PTK2: variants seen among roughly 807,000 people sequenced by gnomAD.
PTK2 encodes the protein focal adhesion kinase 1.
In PTK2, 45 loss-of-function variants were observed where a neutral mutation model predicts 150.1. The observed-to-expected ratio is 0.30, with a 90% CI of 0.24 to 0.38. The LOEUF (loss-of-function observed/expected upper bound fraction) is 0.38. Among genes scored for constraint, PTK2 ranks in the 10% least tolerant of loss-of-function variants. PTK2 has a pLI of 1.00. For synonymous variants in PTK2, 432 were observed against 449.2 expected, an observed-to-expected ratio of 0.96 and a Z score of 0.48; for missense variants, 919 against 1,307.3, an observed-to-expected ratio of 0.70 and a Z score of 4.58.
intron 22 of PTK2, among the ~76,000 whole-genome samples, chr8:140,730,321 C>A (rs1180587002): frequency 6.6e-6 from 1 of 152,184 alleles, no homozygotes; most frequent in Non-Finnish European, 1.5e-5. Flanking sequence ...AGGATATTCA[C>A]AAATGGAACA....
Position 140,918,986 on chromosome 8 carries a change from GGTACAAGA to G in PTK2, c.-33+6667_-33+6674del, listed in dbSNP as rs991325919. On this transcript the variant is annotated intron_variant, in intron 2 of 31. Coordinates refer to ENST00000522684, the Ensembl canonical transcript of PTK2. ...ACAAGGTTTCCTGCCTCCCTGTCCT[GGTACAAGA>G]GTAACATGAGGGGAGAGAGAGGAAG... Among the ~76,000 whole-genome samples the G allele has an allele frequency of 1.6e-4, 25 of 152,224 alleles. 1 individual carries two copies. Among genetic ancestry groups the G allele is most frequent in the Admixed American group, 1.5e-3 (23 of 15,292 alleles).
chr8:140,701,126 T>C, intron 25 of PTK2, 104 bp from the exon 29 acceptor site: 3 of 1,302,464 alleles, frequency 2.3e-6, no homozygotes. Context: ...AAACAGCAAG[T>C]ATGAGAAACA....
chr8:140,949,867 T>C (rs1032669127), intron 1 of PTK2, among the ~76,000 whole-genome samples: 2 of 151,992 alleles, frequency 1.3e-5, no homozygotes, highest in Admixed American at 6.5e-5. Context: ...CAGTTACGGG[T>C]GGAGTCTACA....
At chr8:140,962,408 T>C (rs946246411) in intron 1 of PTK2, among the ~76,000 whole-genome samples, 1 of 152,138 alleles carries the variant, frequency 6.6e-6, no homozygotes, top group Non-Finnish European at 1.5e-5. Flanking sequence ...GAAAACTGTG[T>C]ACAAGCATCC....
chr8:140,675,668 G>C, intron 27 of PTK2, 169 bp from the exon 31 acceptor site: 1 of 581,146 alleles, frequency 1.7e-6, no homozygotes, highest in Non-Finnish European at 3.1e-6. Flanking sequence ...GGGGGATCAG[G>C]CAAATAAGCA....
intron 1 of PTK2, among the ~76,000 whole-genome samples, chr8:140,931,161 A>AC (rs936571471): frequency 4.0e-5 from 6 of 151,010 alleles, no homozygotes; most frequent in East Asian, 1.9e-4. Context: ...CATAAACATC[A>AC]CCCCCCCTTC....
intron 5 of PTK2, among the ~76,000 whole-genome samples, chr8:140,848,621 A>T (rs917663784): frequency 1.8e-4 from 27 of 152,152 alleles, no homozygotes; most frequent in Non-Finnish European, 3.8e-4. Flanking sequence ...TCAGTTAAGT[A>T]AAAAGCTTTA....
chr8:140,928,821 A>C (rs1329899929), intron 1 of PTK2, among the ~76,000 whole-genome samples: 1 of 152,172 alleles, frequency 6.6e-6, no homozygotes, highest in Non-Finnish European at 1.5e-5. Flanking sequence ...ATAGAGCTTC[A>C]TAGTTTCAAG....
chr8:140,662,310 T>A (rs1274134188), intron 31 of PTK2, among the ~76,000 whole-genome samples: 2 of 151,150 alleles, frequency 1.3e-5, no homozygotes, highest in Admixed American at 6.6e-5. Context: ...AAAAAAAAAA[T>A]TAATAATTAA....
intron 29 of PTK2, chr8:140,669,486 C>T (rs2094461690): frequency 4.1e-6 from 2 of 489,616 alleles, no homozygotes; most frequent in Non-Finnish European, 7.1e-6. Context: ...CTTGGTTGTT[C>T]CAAAAGTCTG....
intron 12 of PTK2, among the ~76,000 whole-genome samples, chr8:140,798,822 C>T (rs1403407075): frequency 2.0e-5 from 3 of 152,092 alleles, no homozygotes; most frequent in African/African-American, 7.2e-5. Context: ...AAGGCATATA[C>T]TCCTGTTTAA....
intron 1 of PTK2, among the ~76,000 whole-genome samples, chr8:140,973,800 G>A (rs1204000332): frequency 1.3e-5 from 2 of 152,064 alleles, no homozygotes; most frequent in Non-Finnish European, 2.9e-5. Flanking sequence ...TTCCTACCTT[G>A]GAATTACAAT....
chr8:140,763,065 C>A (rs2100070255), intron 15 of PTK2, among the ~76,000 whole-genome samples: 1 of 152,138 alleles, frequency 6.6e-6, no homozygotes, highest in Non-Finnish European at 1.5e-5. Context: ...TACAGATGTG[C>A]GCCACCATGC....
chr8:140,886,323 T>C (rs2154607252), intron 3 of PTK2, among the ~76,000 whole-genome samples: 1 of 152,294 alleles, frequency 6.6e-6, no homozygotes, highest in South Asian at 2.1e-4. Flanking sequence ...TTCCAAGTAC[T>C]GCAGGTTGAA....
chr8:140,817,493 C>G (rs573055288), intron 10 of PTK2, among the ~76,000 whole-genome samples: 1 of 152,252 alleles, frequency 6.6e-6, no homozygotes, highest in East Asian at 1.9e-4. Context: ...TGAGAAGAAG[C>G]CCCTAGAATC....
chr8:140,714,987 G>A (rs980581332), intron 23 of PTK2, among the ~76,000 whole-genome samples: 8 of 151,544 alleles, frequency 5.3e-5, no homozygotes, highest in Non-Finnish European at 8.8e-5. Flanking sequence ...TGTGACCATA[G>A]AAGCAGAATT....
intron 20 of PTK2, among the ~76,000 whole-genome samples, chr8:140,742,295 T>C (rs190440556): frequency 3.5e-4 from 54 of 152,336 alleles, no homozygotes; most frequent in African/African-American, 9.1e-4. Context: ...TTGAAAGACA[T>C]TGGAGCTGAT....
intron 13 of PTK2, among the ~76,000 whole-genome samples, chr8:140,790,910 G>A (rs201866840): frequency 4.2e-4 from 64 of 152,182 alleles, no homozygotes; most frequent in East Asian, 3.5e-3. Flanking sequence ...CTTCCCTGTT[G>A]TGCTGCCAAA....
intron 1 of PTK2, among the ~76,000 whole-genome samples, chr8:140,951,525 TA>T (rs2154609110): frequency 6.6e-6 from 1 of 152,308 alleles, no homozygotes; most frequent in African/African-American, 2.4e-5. Context: ...TTCCTGGGTT[TA>T]TATATTTTCA....
Sources: allele counts gnomAD v4.1 joint callset (sites outside exome capture counted in the v4.1 genomes callset), GRCh38; gene constraint gnomAD v4.1.1; transcripts MANE v1.5; gene names NCBI Gene and HGNC (gene_info 2026-07-23, HGNC 2026-07-21).